The following EZR variants were observed in gnomAD, a reference collection of about 807,000 sequenced individuals.
EZR encodes cytovillin 2.
A neutral mutation model predicts 74.8 loss-of-function variants in EZR; 40 were observed. The observed-to-expected ratio is 0.53, with a 90% CI of 0.42 to 0.70. The LOEUF is 0.70. Among genes scored for constraint, EZR ranks in the 30% least tolerant of loss-of-function variants. The probability of loss-of-function intolerance (pLI) is 0.00; values close to 1 mark genes in which losing one functional copy is unlikely to be tolerated. For synonymous variants in EZR, 341 were observed against 283.3 expected, an observed-to-expected ratio of 1.20 and a Z score of -2.05; for missense variants, 678 against 755.8, an observed-to-expected ratio of 0.90 and a Z score of 1.21.
intron 7 of EZR, among the ~76,000 whole-genome samples, chr6:158,782,049 G>T (rs995866243): frequency 2.0e-5 from 3 of 152,174 alleles, no homozygotes; most frequent in Non-Finnish European, 2.9e-5. Flanking sequence ...GTGAGCCGCT[G>T]TGCCTGGCTT....
chr6:158,768,710 A>C (rs1424288147), intron 12 of EZR, among the ~76,000 whole-genome samples: 1 of 152,164 alleles, frequency 6.6e-6, no homozygotes, highest in African/African-American at 2.4e-5. Context: ...CAGCTGACTA[A>C]ACCTCTGTGC....
intron 2 of EZR, among the ~76,000 whole-genome samples, chr6:158,808,527 C>T (rs1055207083): frequency 6.6e-6 from 1 of 152,210 alleles, no homozygotes; most frequent in Non-Finnish European, 1.5e-5. Context: ...ATGACCATCA[C>T]GAGCTAGTAA....
At chr6:158,803,142 C>T (rs1777224688) in intron 2 of EZR, among the ~76,000 whole-genome samples, 1 of 152,022 alleles carries the variant, frequency 6.6e-6, no homozygotes, top group South Asian at 2.1e-4. Context: ...GTGCAGCAGA[C>T]GTTAACAGGG....
At position 158,766,810 on chromosome 6, in the gene EZR, G is replaced by C. The variant is rs1202426986; in HGVS notation, c.*104C>G. 8.9e-7 allele frequency: 1 copy of C among 1,127,682 alleles called. No individual in the cohort carries two copies. Among genetic ancestry groups the C allele is most frequent in the African/African-American group, 1.6e-5 (1 of 64,228 alleles). 69.9% of individuals were successfully genotyped at this position (1,127,682 alleles called of 1,614,324 possible). ...GGGTAACTGCTTTCTAAAGGAACTG[G>C]GATCTGAGGGAGTTCCTAGACTTGG... On this transcript the variant is annotated 3_prime_UTR_variant, in exon 14 of 14. Coordinates refer to ENST00000367075, the MANE Select transcript of EZR (RefSeq NM_001111077.2).
At position 158,794,558 on chromosome 6, in the gene EZR, AAAC is replaced by A. The variant is rs567655737; in HGVS notation, c.13-5190_13-5188del. 2.2e-3 allele frequency among the ~76,000 whole-genome samples: 334 copies of A among 152,320 alleles called. 2 individuals carry two copies. The highest frequency in any genetic ancestry group is 7.7e-3 in the African/African-American group (319 of 41,576). ...ATAAAAAACTCAAGTCCATGGGCTT[AAAC>A]ACACCACCACACATATCCAAACTAT... On this transcript the variant is annotated intron_variant, in intron 2 of 13. Transcript: ENST00000367075.
chr6:158,814,037 G>A (rs79823679), intron 2 of EZR, among the ~76,000 whole-genome samples: 2,290 of 152,222 alleles, frequency 0.015, 21 homozygotes, highest in Non-Finnish European at 0.022. Context: ...GGATGCTTCC[G>A]GGACCAATGA....
rs770405732 is a variant in EZR, at chr6:158,783,686, C to G, written c.552-20G>C. The G allele has an allele frequency of 3.1e-6, 5 of 1,610,718 alleles. No homozygotes were observed. The highest frequency in any genetic ancestry group is 4.2e-6 in the Non-Finnish European group (5 of 1,178,170). Reference sequence around the variant, plus strand: ...TTATCTCTAATTGGGGAGAGTGAAACAGGCAGAGTCACTGGTAGCACTCAA... The same window carrying G: ...TTATCTCTAATTGGGGAGAGTGAAAGAGGCAGAGTCACTGGTAGCACTCAA... On this transcript the variant is annotated intron_variant, in intron 6 of 13. Coordinates refer to ENST00000367075, the MANE Select transcript of EZR (RefSeq NM_001111077.2).
chr6:158,818,355 C>T (rs1029456254), intron 1 of EZR, 189 bp from the exon 2 acceptor site: 4 of 207,312 alleles, frequency 1.9e-5, no homozygotes, highest in Admixed American at 6.0e-5. Flanking sequence ...GGGCCGGGCC[C>T]CCGGCGAGGA....
At chr6:158,792,038 C>T (rs1401376021) in intron 2 of EZR, among the ~76,000 whole-genome samples, 1 of 151,822 alleles carries the variant, frequency 6.6e-6, no homozygotes, top group East Asian at 1.9e-4. Flanking sequence ...TGAGTCTCTT[C>T]TAAGTTTGAA....
At chr6:158,809,937 T>C (rs977911892) in intron 2 of EZR, among the ~76,000 whole-genome samples, 5 of 152,232 alleles carry the variant, frequency 3.3e-5, no homozygotes, top group Non-Finnish European at 7.3e-5. Flanking sequence ...ATAGTTTACC[T>C]ACCCCATCCT....
chr6:158,780,681 G>GA (rs1455756111), intron 7 of EZR, among the ~76,000 whole-genome samples: 1 of 152,218 alleles, frequency 6.6e-6, no homozygotes, highest in Non-Finnish European at 1.5e-5. Flanking sequence ...AAAGAGGGAT[G>GA]AAGCTAAGGG....
chr6:158,767,561 C>G, intron 12 of EZR, 49 bp from the exon 13 acceptor site: 3 of 1,530,110 alleles, frequency 2.0e-6, no homozygotes, highest in Non-Finnish European at 2.6e-6. Flanking sequence ...AAGTCCTATC[C>G]TCCTGGCTAT....
At chr6:158,767,559 T>G (rs778446048) in intron 12 of EZR, 47 bp from the exon 13 acceptor site, 11 of 1,531,302 alleles carry the variant, frequency 7.2e-6, no homozygotes, top group Non-Finnish European at 9.6e-6. Context: ...AGAAGTCCTA[T>G]CCTCCTGGCT....
intron 3 of EZR, 130 bp downstream of exon 3, chr6:158,789,158 A>G: frequency 3.0e-6 from 2 of 661,164 alleles, no homozygotes; most frequent in Admixed American, 5.7e-5. Flanking sequence ...TTCACCTTTT[A>G]AAAGATCCTT....
At chr6:158,802,927 C>T (rs1352662166) in intron 2 of EZR, among the ~76,000 whole-genome samples, 2 of 152,080 alleles carry the variant, frequency 1.3e-5, no homozygotes, top group Non-Finnish European at 2.9e-5. Flanking sequence ...TGTCTCCTAC[C>T]CTGCGATTCT....
At chr6:158,771,471 T>A in intron 8 of EZR, 64 bp from the exon 9 acceptor site, 1 of 1,506,086 alleles carries the variant, frequency 6.6e-7, no homozygotes, top group Non-Finnish European at 8.9e-7. Flanking sequence ...CTCCAAACCA[T>A]CCTTCACAAA....
rs907990591 is a variant in EZR at position 158,771,322 on chromosome 6, C to T, written c.881G>A (p.Arg294His). 10 of 1,614,054 alleles carry T rather than the reference C, an allele frequency of 6.2e-6. No individual in the cohort carries two copies. Among genetic ancestry groups the T allele is most frequent in the African/African-American group, 1.3e-5 (1 of 74,944 alleles). The change falls in exon 9 of 14, where the codon CGC (arginine) becomes CAC (histidine). Residue 294 changes from arginine (R) to histidine (H), a missense_variant. By Grantham distance (29) the Arg-to-His change is conservative. Around this residue, in one of 3 missense-constraint regions of EZR, gnomAD observed 119 missense variants for 182.3 expected, o/e 0.65. Transcript: ENST00000367075. Reference protein sequence around the residue: ...CMGNHELYMRRRKPDTIEVQQ... With the variant: ...CMGNHELYMRHRKPDTIEVQQ... Reference sequence around the variant, plus strand: ...CACCTCGATGGTGTCAGGCTTCCTGCGGCGCATATACAACTCATGGTTGCC... The same window carrying T: ...CACCTCGATGGTGTCAGGCTTCCTGTGGCGCATATACAACTCATGGTTGCC...
At chr6:158,816,651 C>G (rs563685467) in intron 2 of EZR, among the ~76,000 whole-genome samples, 4 of 152,196 alleles carry the variant, frequency 2.6e-5, no homozygotes, top group Non-Finnish European at 5.9e-5. Flanking sequence ...AGAAAATACT[C>G]TGCATCACAA....
At position 158,792,561 on chromosome 6, in the gene EZR, C is replaced by T. The variant is rs539258271; in HGVS notation, c.13-3190G>A. Among the ~76,000 whole-genome samples the T allele has an allele frequency of 4.6e-5, 7 of 151,730 alleles. No individual in the cohort carries two copies. The East Asian group carries it at 1.2e-3, about 25-fold the overall frequency. On this transcript the variant is annotated intron_variant, in intron 2 of 13. Transcript: ENST00000367075. Reference sequence around the variant, plus strand: ...AAAATTGGCTGGGCACAGTGGCTCACGTAATCCCAGCACTTTGGGAGGCCG... The same window carrying T: ...AAAATTGGCTGGGCACAGTGGCTCATGTAATCCCAGCACTTTGGGAGGCCG...
Sources: allele counts gnomAD v4.1 joint callset (sites outside exome capture counted in the v4.1 genomes callset), GRCh38; gene constraint gnomAD v4.1.1; regional missense constraint gnomAD v4.1.1; transcripts MANE v1.5; gene names NCBI Gene and HGNC (gene_info 2026-07-23, HGNC 2026-07-21).